The following CLIC5 variants were observed in gnomAD, a reference collection of about 807,000 sequenced individuals.
CLIC5 encodes the protein chloride intracellular channel protein 5.
CLIC5 carries 20 observed loss-of-function variants against 24.7 expected under a neutral mutation model. The observed-to-expected ratio is 0.81, with a 90% CI of 0.57 to 1.18. The LOEUF is 1.18. CLIC5 is among the 50% of genes most tolerant of loss of function. The probability of loss-of-function intolerance (pLI) is 0.00; values close to 1 mark genes in which losing one functional copy is unlikely to be tolerated. For synonymous variants in CLIC5, 159 were observed against 135.6 expected (o/e 1.17, Z -1.20); for missense variants, 341 against 326.1 (o/e 1.05, Z -0.35).
intron 1 of CLIC5, among the ~76,000 whole-genome samples, chr6:46,015,067 A>G (rs1766948214): frequency 1.3e-5 from 2 of 152,234 alleles, no homozygotes; most frequent in Admixed American, 1.3e-4. Flanking sequence ...CATTGTGTCA[A>G]TAACGTTTCT....
At chr6:45,910,530 T>C (rs1329642038) in intron 5 of CLIC5, among the ~76,000 whole-genome samples, 1 of 152,244 alleles carries the variant, frequency 6.6e-6, no homozygotes, top group Non-Finnish European at 1.5e-5. Context: ...TAATGTTACA[T>C]GATAAATTAA....
chr6:46,088,276 G>T, the CLIC5 span, among the ~76,000 whole-genome samples: 1 of 151,712 alleles, frequency 6.6e-6, no homozygotes, highest in Admixed American at 6.6e-5. Context: ...GATAAAGAAA[G>T]TACTTAAGGC....
At chr6:45,971,288 T>A (rs1765192001) in intron 1 of CLIC5, among the ~76,000 whole-genome samples, 1 of 152,256 alleles carries the variant, frequency 6.6e-6, no homozygotes, top group African/African-American at 2.4e-5. Context: ...AGTAGAAGTA[T>A]ATGTAATCGT....
At chr6:46,107,425 T>A in the CLIC5 span, among the ~76,000 whole-genome samples, 2 of 152,208 alleles carry the variant, frequency 1.3e-5, no homozygotes, top group Non-Finnish European at 2.9e-5. Flanking sequence ...AGTCTTCACA[T>A]CCCTGTCCCT....
intron 3 of CLIC5, among the ~76,000 whole-genome samples, chr6:45,942,159 A>G (rs1764153828): frequency 6.6e-6 from 1 of 152,148 alleles, no homozygotes; most frequent in South Asian, 2.1e-4. Context: ...AAGAATACCC[A>G]CGGTCCTCTT....
intron 4 of CLIC5, among the ~76,000 whole-genome samples, chr6:45,916,674 G>C (rs1286425636): frequency 6.6e-6 from 1 of 152,188 alleles, no homozygotes; most frequent in Non-Finnish European, 1.5e-5. Flanking sequence ...CATGAAATTT[G>C]GTGAAAAGCC....
intron 1 of CLIC5, among the ~76,000 whole-genome samples, chr6:46,048,009 T>TC: frequency 1.3e-5 from 2 of 151,492 alleles, no homozygotes; most frequent in East Asian, 3.9e-4. Flanking sequence ...TATCTACTTT[T>TC]TTTTTTTTTT....
chr6:46,093,095 C>T, the CLIC5 span, among the ~76,000 whole-genome samples: 175 of 152,262 alleles, frequency 1.1e-3, 1 homozygote, highest in African/African-American at 3.9e-3. Context: ...ATCTACTGCT[C>T]ATGACCCACA....
chr6:46,091,016 T>G, the CLIC5 span, among the ~76,000 whole-genome samples: 1 of 152,204 alleles, frequency 6.6e-6, no homozygotes, highest in Non-Finnish European at 1.5e-5. Context: ...CACTTTCCTT[T>G]TTCTGTCTGT....
chr6:45,980,554 A>G (rs1765534099), intron 1 of CLIC5, among the ~76,000 whole-genome samples: 1 of 152,150 alleles, frequency 6.6e-6, no homozygotes, highest in African/African-American at 2.4e-5. Context: ...ATGTACCCCC[A>G]AAACAAAAAT....
At chr6:46,055,030 C>T (rs1304713656) in intron 1 of CLIC5, among the ~76,000 whole-genome samples, 3 of 152,200 alleles carry the variant, frequency 2.0e-5, no homozygotes, top group African/African-American at 7.2e-5. Context: ...GTAAACTTTT[C>T]TCTGATTTTC....
At chr6:46,000,256 C>G (rs929853678) in intron 1 of CLIC5, among the ~76,000 whole-genome samples, 1 of 152,004 alleles carries the variant, frequency 6.6e-6, no homozygotes, top group African/African-American at 2.4e-5. Flanking sequence ...GGGTCAGTGC[C>G]CCTAACCTCC....
At chr6:46,034,310 A>G (rs1158351971) in intron 1 of CLIC5, among the ~76,000 whole-genome samples, 1 of 152,246 alleles carries the variant, frequency 6.6e-6, no homozygotes, top group Non-Finnish European at 1.5e-5. Flanking sequence ...ACCAAAGTGG[A>G]GACAAGCTGC....
intron 1 of CLIC5, among the ~76,000 whole-genome samples, chr6:46,063,907 A>G (rs2127471461): frequency 6.6e-6 from 1 of 152,356 alleles, no homozygotes; most frequent in East Asian, 1.9e-4. Context: ...ACTATATCCC[A>G]GAATGAGGCC....
intron 1 of CLIC5, among the ~76,000 whole-genome samples, chr6:45,995,132 C>T (rs528465118): frequency 2.0e-5 from 3 of 152,224 alleles, no homozygotes; most frequent in South Asian, 2.1e-4. Flanking sequence ...TTGGCCACTC[C>T]TTAGGAGAGA....
chr6:46,079,947 G>C, exon 1 of CLIC5: 2 of 1,551,586 alleles, frequency 1.3e-6, no homozygotes, highest in Non-Finnish European at 1.7e-6. Context: ...GTCCTCCTGG[G>C]GCTCACCTGG....
intron 1 of CLIC5, among the ~76,000 whole-genome samples, chr6:46,023,246 A>G (rs1488306707): frequency 6.6e-6 from 1 of 152,182 alleles, no homozygotes; most frequent in East Asian, 1.9e-4. Context: ...ATTTGCTTAG[A>G]GCTCACCATG....
At chr6:46,105,428 G>A in the CLIC5 span, among the ~76,000 whole-genome samples, 26 of 152,058 alleles carry the variant, frequency 1.7e-4, no homozygotes, top group Middle Eastern at 6.3e-3. Context: ...TTTAAGGCCC[G>A]TTTGGGGAGA....
chr6:45,993,318 GA>G (rs1436111750), intron 1 of CLIC5, among the ~76,000 whole-genome samples: 2 of 152,086 alleles, frequency 1.3e-5, no homozygotes, highest in Admixed American at 1.3e-4. Context: ...GGACAAAAGG[GA>G]ACCATTAGCA....
Sources: allele counts gnomAD v4.1 joint callset (sites outside exome capture counted in the v4.1 genomes callset), GRCh38; gene constraint gnomAD v4.1.1; transcripts MANE v1.5; gene names NCBI Gene and HGNC (gene_info 2026-07-23, HGNC 2026-07-21).